Variants in SRPK1 observed in about 807,000 individuals in gnomAD.
SRPK1 encodes the protein SFRS protein kinase 1.
A neutral mutation model predicts 89.5 loss-of-function variants in SRPK1; 52 were observed. The observed-to-expected ratio is 0.58, with a 90% CI of 0.46 to 0.73. The LOEUF (loss-of-function observed/expected upper bound fraction) is 0.73. Ranked by LOEUF, SRPK1 falls within the 30% of genes least tolerant of loss-of-function variation. SRPK1 has a pLI of 0.00. For synonymous variants in SRPK1, 255 were observed against 270.2 expected, an observed-to-expected ratio of 0.94 and a Z score of 0.55; for missense variants, 603 against 780.6, an observed-to-expected ratio of 0.77 and a Z score of 2.71.
chr6:35,874,754 G>T (rs113897766), intron 6 of SRPK1, among the ~76,000 whole-genome samples: 34 of 152,062 alleles, frequency 2.2e-4, no homozygotes, highest in African/African-American at 6.8e-4. Context: ...TTCAAAGCAA[G>T]GAAAAACAAA....
intron 2 of SRPK1, among the ~76,000 whole-genome samples, chr6:35,915,332 G>A (rs1486963623): frequency 7.3e-5 from 11 of 150,542 alleles, no homozygotes; most frequent in South Asian, 4.2e-4. Context: ...GCATGAACCC[G>A]GGAGGGGGAG....
At chr6:35,905,189 A>T (rs1455925941) in intron 2 of SRPK1, among the ~76,000 whole-genome samples, 2 of 152,160 alleles carry the variant, frequency 1.3e-5, no homozygotes, top group Non-Finnish European at 2.9e-5. Context: ...AACACTAAAC[A>T]ATCTGGAGAA....
intron 13 of SRPK1, among the ~76,000 whole-genome samples, chr6:35,844,473 A>G (rs1769386170): frequency 6.6e-6 from 1 of 152,202 alleles, no homozygotes; most frequent in Non-Finnish European, 1.5e-5. Flanking sequence ...ACCCAAGTTT[A>G]GGTCCTGGTG....
At chr6:35,879,439 G>A (rs1359924740) in intron 6 of SRPK1, among the ~76,000 whole-genome samples, 1 of 151,972 alleles carries the variant, frequency 6.6e-6, no homozygotes, top group Non-Finnish European at 1.5e-5. Context: ...TCAGCTATTT[G>A]AAAGGCTGAG....
chr6:35,870,889 A>G, intron 9 of SRPK1, 45 bp downstream of exon 9: 1 of 1,517,406 alleles, frequency 6.6e-7, no homozygotes, highest in Non-Finnish European at 9.0e-7. Context: ...ACCCATGCCC[A>G]TAGTCCATAG....
At chr6:35,920,566 G>A (rs780745493) in intron 1 of SRPK1, 38 bp from the exon 2 acceptor site, 3 of 1,604,504 alleles carry the variant, frequency 1.9e-6, no homozygotes, top group South Asian at 1.1e-5. Context: ...CGAATGTGGA[G>A]GAAAGGAGGC....
chr6:35,913,975 T>C lies in SRPK1; in HGVS notation c.74+6493A>G, dbSNP rs1446853278. On this transcript the variant is annotated intron_variant, in intron 2 of 15. Transcript: ENST00000373825. ...ACAACAAAGGATACTTTCTCTTTTT[T>C]TTTTTTTTTTTTTTTTTGAGATGGA... is the stretch of plus-strand genomic sequence containing the variant. 2.1e-3 allele frequency among the ~76,000 whole-genome samples: 265 copies of C among 126,506 alleles called. 1 individual carries two copies. The highest frequency in any genetic ancestry group is 9.1e-3 in the African/African-American group (249 of 27,270). 83.0% of individuals were successfully genotyped at this position (126,506 alleles called of 152,430 possible). A position where few individuals can be genotyped will look rare whatever the true frequency, so the allele number is the denominator to read the frequency against.
At chr6:35,884,219 TA>T (rs1379959043) in intron 6 of SRPK1, among the ~76,000 whole-genome samples, 4 of 152,146 alleles carry the variant, frequency 2.6e-5, no homozygotes, top group African/African-American at 7.2e-5. Flanking sequence ...GGAGGTCATA[TA>T]AGCAGACAAT....
intron 15 of SRPK1, among the ~76,000 whole-genome samples, chr6:35,836,781 TAA>T (rs1581985481): frequency 8.7e-5 from 13 of 150,148 alleles, no homozygotes; most frequent in South Asian, 8.4e-4. Context: ...ATAATAATAA[TAA>T]TAATTTTTTT....
intron 12 of SRPK1, among the ~76,000 whole-genome samples, chr6:35,861,100 A>C (rs1184558200): frequency 6.6e-6 from 1 of 152,206 alleles, no homozygotes; most frequent in Non-Finnish European, 1.5e-5. Flanking sequence ...CCTCATCCAC[A>C]GAAAGGAACC....
chr6:35,838,239 G>A (rs1301816337), intron 15 of SRPK1, 98 bp downstream of exon 15: 2 of 821,324 alleles, frequency 2.4e-6, no homozygotes, highest in East Asian at 3.2e-5. Context: ...AGCATTCAAG[G>A]CAGGCCCATC....
rs746906390 is a variant in SRPK1 at position 35,885,296 on chromosome 6, CACAGAGAG to C, written c.478+1420_478+1427del. Among the ~76,000 whole-genome samples, 1,053 of 123,748 alleles carry C rather than the reference CACAGAGAG, an allele frequency of 8.5e-3. 2 individuals are homozygous for C. Among genetic ancestry groups the C allele is most frequent in the African/African-American group, 0.015 (503 of 34,638 alleles). The allele number at this position is 123,748 out of a possible 152,430, so 81.2% of individuals were successfully genotyped here. A position where few individuals can be genotyped will look rare whatever the true frequency, so the allele number is the denominator to read the frequency against. On this transcript the variant is annotated intron_variant, in intron 6 of 15. Coordinates refer to ENST00000373825, the MANE Select transcript of SRPK1 (RefSeq NM_003137.5). ...ACACACACACACACACACACACACACACAGAGAGAGAGAGAGAGAGAGAGAGAGAGAGA... is the reference window on the plus strand; with the variant it reads ...ACACACACACACACACACACACACACAGAGAGAGAGAGAGAGAGAGAGAGA...
rs930559778 is a variant in SRPK1 at position 35,844,734 on chromosome 6, T to C, written c.1621-2130A>G. ...CTACCCTGAGTTGTTCCGAGGTTTA[T>C]AGTCCCAAAGCAACAGAGAAACAAA... On this transcript the variant is annotated intron_variant, in intron 13 of 15. Transcript: ENST00000373825. Among the ~76,000 whole-genome samples, 9 of 152,200 alleles carry C rather than the reference T, an allele frequency of 5.9e-5. No homozygotes were observed. The East Asian group carries it at 1.2e-3, about 20-fold the overall frequency.
chr6:35,920,809 C>G (rs947262961), intron 1 of SRPK1: 1 of 466,704 alleles, frequency 2.1e-6, no homozygotes, highest in Non-Finnish European at 3.7e-6. Context: ...CCCCAAGGCG[C>G]GAGCCGGCCT....
intron 6 of SRPK1, among the ~76,000 whole-genome samples, chr6:35,877,093 A>G (rs2127250994): frequency 6.6e-6 from 1 of 152,276 alleles, no homozygotes; most frequent in African/African-American, 2.4e-5. Context: ...ATAGAGAACA[A>G]TGCCCAGCAT....
chr6:35,851,017 A>G (rs7752545), intron 13 of SRPK1, among the ~76,000 whole-genome samples: 51,544 of 151,966 alleles, frequency 0.34, 9,002 homozygotes, highest in South Asian at 0.45. Context: ...TTTGATTAAC[A>G]CTTAAGACCA....
intron 2 of SRPK1, among the ~76,000 whole-genome samples, chr6:35,914,902 G>A (rs190381258): frequency 5.9e-5 from 9 of 152,006 alleles, no homozygotes; most frequent in Admixed American, 5.2e-4. Context: ...GGGTTCAAGC[G>A]ATTCTCCTGC....
At chr6:35,882,269 A>C (rs922196978) in intron 6 of SRPK1, among the ~76,000 whole-genome samples, 1 of 147,386 alleles carries the variant, frequency 6.8e-6, no homozygotes, top group East Asian at 2.0e-4. Context: ...ACTGGTCACA[A>C]TTTTTTTTTT....
At chr6:35,879,929 G>A (rs1770236266) in intron 6 of SRPK1, among the ~76,000 whole-genome samples, 1 of 151,878 alleles carries the variant, frequency 6.6e-6, no homozygotes, top group African/African-American at 2.4e-5. Context: ...AAATTAGCTG[G>A]GTGTGGTGGC....
Sources: allele counts gnomAD v4.1 joint callset (sites outside exome capture counted in the v4.1 genomes callset), GRCh38; gene constraint gnomAD v4.1.1; transcripts MANE v1.5; gene names NCBI Gene and HGNC (gene_info 2026-07-23, HGNC 2026-07-21).